The following ACTN2 variants were observed in gnomAD, a reference collection of about 807,000 sequenced individuals.
ACTN2 encodes the protein alpha-actinin-2.
Under a neutral mutation model 113.8 loss-of-function variants are expected in ACTN2, and 39 were observed. That is an observed-to-expected ratio of 0.34 (90% CI 0.27 to 0.45). ACTN2 has a LOEUF of 0.45. ACTN2 is among the 20% of genes least tolerant of loss of function. ACTN2 has a pLI of 1.00. For synonymous variants in ACTN2, 429 were observed against 444.1 expected, an observed-to-expected ratio of 0.97 and a Z score of 0.43; for missense variants, 992 against 1,177.9, an observed-to-expected ratio of 0.84 and a Z score of 2.31.
At chr1:236,750,570 C>T (rs760750005) in intron 14 of ACTN2, among the ~76,000 whole-genome samples, 16 of 152,160 alleles carry the variant, frequency 1.1e-4, no homozygotes, top group African/African-American at 1.4e-4. Context: ...AGGTGCTCCA[C>T]GAGGCAGTGA....
chr1:236,742,324 T>C (rs1659095809), intron 10 of ACTN2, among the ~76,000 whole-genome samples: 1 of 152,176 alleles, frequency 6.6e-6, no homozygotes, highest in South Asian at 2.1e-4. Context: ...ACAGAGTTTC[T>C]CACTAGTGCC....
Position 236,754,091 on chromosome 1 carries a change from C to T in ACTN2, c.1974+10C>T, listed in dbSNP as rs368354944. 115 of 1,613,416 alleles carry T rather than the reference C, an allele frequency of 7.1e-5. No individual in the cohort carries two copies. The highest frequency in any genetic ancestry group is 8.3e-5 in the Admixed American group (5 of 60,026). ...CCAGAACAAGATGGAGGTAAGCCAG[C>T]GCCCTCCCAGGCGCTGTTCACAAGC... is the stretch of plus-strand genomic sequence containing the variant. On this transcript the variant is annotated intron_variant, in intron 16 of 20. Coordinates refer to ENST00000366578, the MANE Select transcript of ACTN2 (RefSeq NM_001103.4). This position sits in a 1 kb window ranked among gnomAD's most constrained non-coding sequence, Gnocchi z 4.9.
chr1:236,738,806 G>A (rs917077288), intron 9 of ACTN2, among the ~76,000 whole-genome samples: 1 of 152,158 alleles, frequency 6.6e-6, no homozygotes, highest in Non-Finnish European at 1.5e-5. Flanking sequence ...AATACACTTT[G>A]GCATTGAGTT....
intron 1 of ACTN2, among the ~76,000 whole-genome samples, chr1:236,713,422 T>G (rs1658107988): frequency 2.6e-5 from 4 of 152,136 alleles, no homozygotes; most frequent in Admixed American, 2.6e-4. Context: ...AGACAGGGTT[T>G]CTCCGTGTTG....
chr1:236,761,325 C>A, intron 20 of ACTN2, 152 bp downstream of exon 20: 1 of 924,386 alleles, frequency 1.1e-6, no homozygotes, highest in South Asian at 1.5e-5. Context: ...GATAGACACA[C>A]AACAATGGCG....
intron 13 of ACTN2, 198 bp downstream of exon 13, chr1:236,747,973 C>CA: frequency 1.7e-6 from 1 of 575,194 alleles, no homozygotes; most frequent in Non-Finnish European, 3.1e-6. Context: ...ATCCAGACAG[C>CA]AGCGAAGTAT....
chr1:236,703,098 G>A (rs1657724205), intron 1 of ACTN2, among the ~76,000 whole-genome samples: 1 of 152,178 alleles, frequency 6.6e-6, no homozygotes, highest in Non-Finnish European at 1.5e-5. Context: ...AATAAATGCT[G>A]CTGCTGCTGC....
chr1:236,749,778 G>A (rs984838757), intron 14 of ACTN2, among the ~76,000 whole-genome samples: 4 of 152,104 alleles, frequency 2.6e-5, no homozygotes, highest in African/African-American at 9.7e-5. Context: ...TCCATCCTGG[G>A]TAACAGAGTG....
intron 13 of ACTN2, 145 bp downstream of exon 13, chr1:236,747,920 A>C (rs1659286072): frequency 2.9e-6 from 2 of 689,120 alleles, no homozygotes; most frequent in Middle Eastern, 2.8e-4. Context: ...GAAAAGTGGA[A>C]GAAAGAGGGA....
chr1:236,734,529 A>G, intron 7 of ACTN2: 2 of 1,522,560 alleles, frequency 1.3e-6, no homozygotes, highest in South Asian at 1.2e-5. Flanking sequence ...GTGAGGATGT[A>G]AACCATGAGT....
intron 1 of ACTN2, among the ~76,000 whole-genome samples, chr1:236,690,811 G>T (rs1768048): frequency 0.7 from 106,438 of 152,046 alleles, 37,678 homozygotes; most frequent in Admixed American, 0.76. Flanking sequence ...TTCAGTGGTG[G>T]TACGTCTATT....
At chr1:236,690,291 A>G (rs549915873) in intron 1 of ACTN2, among the ~76,000 whole-genome samples, 1 of 152,252 alleles carries the variant, frequency 6.6e-6, no homozygotes, top group Non-Finnish European at 1.5e-5. Flanking sequence ...TTCTGTGGGC[A>G]GCAGCTGCTG....
At chr1:236,759,292 G>T (rs1360709116) in intron 18 of ACTN2, among the ~76,000 whole-genome samples, 1 of 152,142 alleles carries the variant, frequency 6.6e-6, no homozygotes, top group East Asian at 1.9e-4. Context: ...CTCACTCATT[G>T]GGGCTACTTT....
Position 236,739,396 on chromosome 1 carries a change from G to A in ACTN2, c.971G>A (p.Arg324Gln), listed in dbSNP as rs1240148760. Residue 324 changes from arginine (R) to glutamine (Q), a missense_variant, in exon 10 of 21, where the codon CGG (arginine) becomes CAG (glutamine). This residue lies in a region of ACTN2 where 736 missense variants were observed against 815.4 expected (regional missense o/e 0.90). Transcript: ENST00000366578. ...QAMQKKLEDFRDYRRKHKPPK... is the reference protein window; with the variant it reads ...QAMQKKLEDFQDYRRKHKPPK... ...ATGCAGAAGAAGCTGGAGGACTTCC[G>A]GGATTACCGCCGGAAGCACAAGCCA... is the stretch of plus-strand genomic sequence containing the variant. 7.4e-6 allele frequency: 12 copies of A among 1,613,906 alleles called. No individual in the cohort carries two copies. Among genetic ancestry groups the A allele is most frequent in the Admixed American group, 5.0e-5 (3 of 59,992 alleles).
Position 236,686,718 on chromosome 1 carries a change from C to T in ACTN2, c.45C>T (p.Asp15=). The part of the protein sequence containing the change: ...EPGVQYNYVY[D]EDEYMIQEEE... ...GCGTGCAGTACAACTACGTGTACGA[C>T]GAGGATGAGTACATGATCCAGGAGG... is the stretch of plus-strand genomic sequence containing the variant. Residue 15 remains aspartate (D), a synonymous_variant, in exon 1 of 21, where the codon GAC becomes GAT. Coordinates refer to ENST00000366578, the MANE Select transcript of ACTN2 (RefSeq NM_001103.4). 6 of 1,567,746 alleles carry T rather than the reference C, an allele frequency of 3.8e-6. No homozygotes were observed. Among genetic ancestry groups the T allele is most frequent in the Non-Finnish European group, 5.2e-6 (6 of 1,156,910 alleles).
At chr1:236,752,403 G>A (rs977279877) in intron 15 of ACTN2, among the ~76,000 whole-genome samples, 34 of 146,870 alleles carry the variant, frequency 2.3e-4, no homozygotes, top group African/African-American at 7.3e-4. Context: ...CCGAGAAACA[G>A]TAGTTAATTA....
intron 15 of ACTN2, 105 bp downstream of exon 15, chr1:236,751,757 A>G (rs2102939955): frequency 7.3e-7 from 1 of 1,367,626 alleles, no homozygotes; most frequent in Non-Finnish European, 1.0e-6. Flanking sequence ...CTCATTTTGC[A>G]TCATGATCAG....
intron 13 of ACTN2, among the ~76,000 whole-genome samples, chr1:236,748,791 T>A (rs1394326673): frequency 6.6e-6 from 1 of 152,240 alleles, no homozygotes; most frequent in African/African-American, 2.4e-5. Flanking sequence ...AATCAGGTCC[T>A]CTTATAAAGT....
At chr1:236,694,709 T>C (rs1219943955) in intron 1 of ACTN2, among the ~76,000 whole-genome samples, 2 of 152,176 alleles carry the variant, frequency 1.3e-5, no homozygotes, top group Admixed American at 6.6e-5. Context: ...TTAAAAATGT[T>C]CTCTTGAAGT....
Sources: allele counts gnomAD v4.1 joint callset (sites outside exome capture counted in the v4.1 genomes callset), GRCh38; gene constraint gnomAD v4.1.1; regional missense constraint gnomAD v4.1.1; non-coding constraint Gnocchi (gnomAD v3.1); transcripts MANE v1.5; gene names NCBI Gene and HGNC (gene_info 2026-07-23, HGNC 2026-07-21).